Variants in MGAT5 observed in about 807,000 individuals in gnomAD.
The protein encoded by MGAT5 is alpha-1,6-mannosylglycoprotein 6-beta-N-acetylglucosaminyltransferase A.
MGAT5 carries 30 observed loss-of-function variants against 94.3 expected under a neutral mutation model. The ratio of observed to expected loss-of-function variants is 0.32; its 90% CI spans 0.24 to 0.43. MGAT5 has a LOEUF of 0.43. MGAT5 is among the 20% of genes least tolerant of loss of function. The pLI, the probability that MGAT5 is intolerant of heterozygous loss-of-function variation, is 1.00. For synonymous variants in MGAT5, 310 were observed against 322.9 expected (o/e 0.96, Z 0.43); for missense variants, 691 against 905.5 (o/e 0.76, Z 3.04).
intron 2 of MGAT5, among the ~76,000 whole-genome samples, chr2:134,297,936 T>C (rs1378146763): frequency 6.6e-6 from 1 of 152,128 alleles, no homozygotes; most frequent in Non-Finnish European, 1.5e-5. Flanking sequence ...AAAACAAATA[T>C]AGGTTAAAAA....
intron 10 of MGAT5, among the ~76,000 whole-genome samples, chr2:134,378,406 G>A (rs1213124712): frequency 6.6e-6 from 1 of 152,112 alleles, no homozygotes; most frequent in African/African-American, 2.4e-5. Context: ...TACTTGACAA[G>A]GCACTCAGGG....
rs547643545 is a variant in MGAT5, at chr2:134,146,666, G to A, written c.-143+26375G>A. Among the ~76,000 whole-genome samples, 6 of 152,268 alleles carry A rather than the reference G, an allele frequency of 3.9e-5. No individual in the cohort carries two copies. The East Asian group carries it at 5.8e-4, about 15-fold the overall frequency. ...GCTGTTGTTTCTAATGGATGTGAGA[G>A]GGCCTGGGGAACCTCCCTAACCTGT... On this transcript the variant is annotated intron_variant, in intron 1 of 16. Transcript: ENST00000409645.
intron 4 of MGAT5, among the ~76,000 whole-genome samples, chr2:134,319,249 A>G (rs1266968181): frequency 6.6e-6 from 1 of 152,188 alleles, no homozygotes; most frequent in Non-Finnish European, 1.5e-5. Flanking sequence ...ACCATTTTGT[A>G]AAGCAGCTGC....
intron 2 of MGAT5, 98 bp from the exon 3 acceptor site, chr2:134,317,431 C>G (rs1213794267): frequency 2.5e-6 from 2 of 789,474 alleles, no homozygotes; most frequent in African/African-American, 3.6e-5. Context: ...AGAGACCTTT[C>G]TTTTTTGGTT....
chr2:134,402,317 A>G (rs1683102009), intron 10 of MGAT5, among the ~76,000 whole-genome samples: 1 of 152,198 alleles, frequency 6.6e-6, no homozygotes, highest in African/African-American at 2.4e-5. Flanking sequence ...CTAATAGTAT[A>G]AGTAAAATTA....
At chr2:134,170,069 A>G (rs531402431) in intron 1 of MGAT5, among the ~76,000 whole-genome samples, 1 of 152,326 alleles carries the variant, frequency 6.6e-6, no homozygotes, top group African/African-American at 2.4e-5. Context: ...CTAGGTGTTT[A>G]TGAAAACATA....
At chr2:134,168,772 A>G (rs1055272972) in intron 1 of MGAT5, among the ~76,000 whole-genome samples, 1 of 152,210 alleles carries the variant, frequency 6.6e-6, no homozygotes, top group African/African-American at 2.4e-5. Context: ...GACACTCTTT[A>G]CTTTGATGTT....
chr2:134,434,311 C>T (rs1033794349), intron 14 of MGAT5, among the ~76,000 whole-genome samples: 4 of 152,154 alleles, frequency 2.6e-5, no homozygotes, highest in African/African-American at 9.7e-5. Context: ...TTGTTTAGAA[C>T]ATTGTTCCGT....
intron 12 of MGAT5, among the ~76,000 whole-genome samples, chr2:134,418,815 T>C (rs1438106641): frequency 6.6e-6 from 1 of 152,182 alleles, no homozygotes; most frequent in Non-Finnish European, 1.5e-5. Context: ...GTCAGTTTGC[T>C]TTATGCAAGA....
chr2:134,282,298 C>T (rs929810685), intron 2 of MGAT5, among the ~76,000 whole-genome samples: 7 of 152,156 alleles, frequency 4.6e-5, no homozygotes, highest in African/African-American at 2.4e-5. Flanking sequence ...GCTGGGTGTA[C>T]GGAGCTGTCA....
At chr2:134,318,411 CT>C (rs1160737547) in intron 3 of MGAT5, among the ~76,000 whole-genome samples, 1 of 152,176 alleles carries the variant, frequency 6.6e-6, no homozygotes, top group African/African-American at 2.4e-5. Flanking sequence ...CGACCTTACT[CT>C]CCACTCTAAG....
At chr2:134,222,144 TA>T (rs919222493) in intron 1 of MGAT5, among the ~76,000 whole-genome samples, 1 of 118,100 alleles carries the variant, frequency 8.5e-6, no homozygotes, top group African/African-American at 3.2e-5. Context: ...GGGTTTAGTC[TA>T]AAACAATCCT....
chr2:134,399,787 G>T lies in MGAT5; in HGVS notation c.1381-3201G>T, dbSNP rs144350945. Among the ~76,000 whole-genome samples the T allele has an allele frequency of 3.9e-5, 6 of 152,274 alleles. No individual in the cohort carries two copies. In the East Asian group the frequency reaches 1.2e-3, roughly 29 times the overall value. On this transcript the variant is annotated intron_variant, in intron 10 of 15. Coordinates refer to ENST00000281923, the MANE Select transcript of MGAT5 (RefSeq NM_002410.5). Reference sequence around the variant, plus strand: ...CAGTGGGACATACAGGTCTATGGTGGTCACCTATGGTCACCTTCACCCTGG... The same window carrying T: ...CAGTGGGACATACAGGTCTATGGTGTTCACCTATGGTCACCTTCACCCTGG...
intron 1 of MGAT5, among the ~76,000 whole-genome samples, chr2:134,232,929 C>T (rs998084436): frequency 3.3e-5 from 5 of 152,062 alleles, no homozygotes; most frequent in African/African-American, 1.2e-4. Flanking sequence ...AAAGAGTTTG[C>T]CAAGAATACA....
intron 10 of MGAT5, among the ~76,000 whole-genome samples, chr2:134,379,758 G>A (rs986476603): frequency 9.9e-5 from 15 of 152,230 alleles, no homozygotes; most frequent in Non-Finnish European, 1.9e-4. Context: ...TGAACGTTTG[G>A]ATGGAAGTCA....
At chr2:134,308,704 A>T (rs1165475996) in intron 2 of MGAT5, among the ~76,000 whole-genome samples, 2 of 152,176 alleles carry the variant, frequency 1.3e-5, no homozygotes, top group African/African-American at 4.8e-5. Flanking sequence ...GAGATAATTT[A>T]CATACCACAC....
At chr2:134,246,858 C>T (rs1478521471) in intron 1 of MGAT5, among the ~76,000 whole-genome samples, 2 of 152,340 alleles carry the variant, frequency 1.3e-5, no homozygotes, top group East Asian at 3.9e-4. Context: ...TGATATTTTC[C>T]TAAGCAAAAC....
intron 9 of MGAT5, among the ~76,000 whole-genome samples, chr2:134,360,706 A>G (rs764739284): frequency 2.0e-5 from 3 of 152,210 alleles, no homozygotes; most frequent in Admixed American, 2.0e-4. Flanking sequence ...AAAATTCCCT[A>G]TGCCCTCAGC....
intron 4 of MGAT5, among the ~76,000 whole-genome samples, chr2:134,329,451 G>A (rs56775773): frequency 0.028 from 4,212 of 152,130 alleles, 201 homozygotes; most frequent in African/African-American, 0.095. Flanking sequence ...CCACGCAGCG[G>A]GAGTATAATC....
Sources: allele counts gnomAD v4.1 joint callset (sites outside exome capture counted in the v4.1 genomes callset), GRCh38; gene constraint gnomAD v4.1.1; transcripts MANE v1.5; gene names NCBI Gene and HGNC (gene_info 2026-07-23, HGNC 2026-07-21).